Variants in CALN1 observed in about 807,000 individuals in gnomAD.
CALN1 encodes the protein calcium-binding protein 8.
A neutral mutation model predicts 30.6 loss-of-function variants in CALN1; 17 were observed. That is an observed-to-expected ratio of 0.56 (90% CI 0.38 to 0.83). CALN1 has a LOEUF of 0.83. Among genes scored for constraint, CALN1 ranks in the 40% least tolerant of loss-of-function variants. CALN1 has a pLI of 0.00. For missense variants in CALN1, 291 were observed against 354.9 expected, an observed-to-expected ratio of 0.82 and a Z score of 1.45; for synonymous variants, 156 against 131.4, an observed-to-expected ratio of 1.19 and a Z score of -1.28.
intron 2 of CALN1, chr7:72,337,264 G>A (rs1208286148): frequency 9.1e-6 from 9 of 985,048 alleles, no homozygotes; most frequent in Admixed American, 1.2e-4. Context: ...CCGCGTTCAG[G>A]AGCCGGGCTT....
At chr7:72,365,828 A>G (rs530119947) in intron 2 of CALN1, among the ~76,000 whole-genome samples, 1 of 152,326 alleles carries the variant, frequency 6.6e-6, no homozygotes, top group Admixed American at 6.5e-5. Context: ...AAGTATAGGG[A>G]AAATTCAGTG....
At chr7:72,407,507 C>T (rs532043465) in intron 1 of CALN1, among the ~76,000 whole-genome samples, 7 of 152,262 alleles carry the variant, frequency 4.6e-5, no homozygotes, top group African/African-American at 1.7e-4. Context: ...CAAGTGTGTG[C>T]AAACAACTTT....
chr7:72,228,469 T>C (rs1793845265), intron 3 of CALN1, among the ~76,000 whole-genome samples: 3 of 151,868 alleles, frequency 2.0e-5, no homozygotes, highest in Admixed American at 2.0e-4. Context: ...TGAAAAATCA[T>C]TGAACTGTAC....
chr7:71,921,937 A>G (rs1012511463), intron 5 of CALN1, among the ~76,000 whole-genome samples: 1 of 151,896 alleles, frequency 6.6e-6, no homozygotes, highest in African/African-American at 2.4e-5. Flanking sequence ...GCAGGTAACA[A>G]CCTTTGGTTC....
At chr7:72,190,450 A>G (rs2129546759) in intron 3 of CALN1, among the ~76,000 whole-genome samples, 1 of 152,362 alleles carries the variant, frequency 6.6e-6, no homozygotes, top group Middle Eastern at 3.4e-3. Flanking sequence ...GGGAAGTGAC[A>G]GCAGCATTTC....
In CALN1 at chr7:72,445,600, A is replaced by C. The variant is rs147587393; in HGVS notation, c.-226+1442T>G. Among the ~76,000 whole-genome samples the C allele has an allele frequency of 6.9e-3, 1,055 of 152,256 alleles. 10 individuals are homozygous for C. The highest frequency in any genetic ancestry group is 0.023 in the African/African-American group (948 of 41,538). ...CACAGATCCACCGATGGGCATGGGG[A>C]TAATAATTCATTCCATCAAGCGCTT... On this transcript the variant is annotated intron_variant, in intron 1 of 6. Transcript: ENST00000395276.
intron 5 of CALN1, among the ~76,000 whole-genome samples, chr7:71,989,440 T>TAAAA (rs5884868): frequency 7.4e-6 from 1 of 134,990 alleles, no homozygotes; most frequent in Non-Finnish European, 1.6e-5. Context: ...TTCCATCTAT[T>TAAAA]AAAAAAAAAA....
At chr7:72,205,205 CTTT>C (rs765405834) in intron 3 of CALN1, among the ~76,000 whole-genome samples, 40 of 150,636 alleles carry the variant, frequency 2.7e-4, no homozygotes, top group South Asian at 4.2e-4. Flanking sequence ...TTTTGCTTTT[CTTT>C]TGTTTTGTTT....
intron 3 of CALN1, among the ~76,000 whole-genome samples, chr7:72,169,684 T>TC (rs1788800786): frequency 6.6e-6 from 1 of 152,032 alleles, no homozygotes; most frequent in South Asian, 2.1e-4. Context: ...ATTTTCTTTT[T>TC]CTTTTTTCCT....
chr7:72,078,524 C>T (rs1266998261), intron 4 of CALN1, among the ~76,000 whole-genome samples: 2 of 152,150 alleles, frequency 1.3e-5, no homozygotes, highest in Non-Finnish European at 2.9e-5. Context: ...AAACTGGCAA[C>T]AGTAACTGAT....
At chr7:72,171,737 T>C (rs1007267747) in intron 3 of CALN1, among the ~76,000 whole-genome samples, 2 of 152,190 alleles carry the variant, frequency 1.3e-5, no homozygotes, top group African/African-American at 4.8e-5. Flanking sequence ...AATAATACTG[T>C]GGGATCCTCA....
chr7:72,403,316 C>T lies in CALN1; in HGVS notation c.54G>A (p.Gly18=). The T allele has an allele frequency of 1.3e-6, 2 of 1,550,200 alleles. No individual in the cohort carries two copies. Among genetic ancestry groups the T allele is most frequent in the Non-Finnish European group, 1.7e-6 (2 of 1,146,996 alleles). The change falls in exon 2 of 7, where the codon GGG becomes GGA. Residue 18 remains glycine (G), a synonymous_variant. Transcript: ENST00000395275. Reference sequence around the variant, plus strand: ...CTCCCCCTCCGAGGGCTCCTCCGTCCCCCTTTTTCTCATTCTCGGGCTTCC... The same window carrying T: ...CTCCCCCTCCGAGGGCTCCTCCGTCTCCCTTTTTCTCATTCTCGGGCTTCC... The part of the protein sequence containing the change: ...GEGKPENEKK[G]DGGALGGGEE...
intron 5 of CALN1, among the ~76,000 whole-genome samples, chr7:71,883,204 G>A (rs1471788078): frequency 1.3e-5 from 2 of 151,996 alleles, no homozygotes; most frequent in Admixed American, 1.3e-4. Context: ...GTTCACTGTT[G>A]TGTCATCAGT....
At chr7:72,183,580 A>G (rs1184988150) in intron 3 of CALN1, among the ~76,000 whole-genome samples, 2 of 152,232 alleles carry the variant, frequency 1.3e-5, no homozygotes, top group African/African-American at 4.8e-5. Flanking sequence ...GTAAACAGGA[A>G]GTCGCTGAAA....
chr7:72,407,412 G>C (rs192229810), intron 1 of CALN1, among the ~76,000 whole-genome samples: 20 of 152,318 alleles, frequency 1.3e-4, no homozygotes, highest in African/African-American at 4.8e-4. Context: ...GTGGGGCCTG[G>C]TAACAGGTGA....
chr7:71,901,426 C>CAAAA (rs35289312), intron 5 of CALN1, among the ~76,000 whole-genome samples: 1 of 132,686 alleles, frequency 7.5e-6, no homozygotes, highest in African/African-American at 2.7e-5. Flanking sequence ...CATATGGAAC[C>CAAAA]AAAAAAAAAA....
intron 1 of CALN1, among the ~76,000 whole-genome samples, chr7:72,430,777 C>T (rs1472297296): frequency 2.6e-5 from 4 of 152,112 alleles, no homozygotes; most frequent in Non-Finnish European, 2.9e-5. Context: ...GTCACCTGTT[C>T]CCTGTTCCTA....
chr7:71,894,938 C>T (rs1314796525), intron 5 of CALN1, among the ~76,000 whole-genome samples: 1 of 152,098 alleles, frequency 6.6e-6, no homozygotes, highest in African/African-American at 2.4e-5. Context: ...GTTTGTGTTG[C>T]ATTCAGCTAC....
intron 3 of CALN1, among the ~76,000 whole-genome samples, chr7:72,124,329 A>G (rs1808594345): frequency 6.6e-6 from 1 of 152,192 alleles, no homozygotes; most frequent in Non-Finnish European, 1.5e-5. Context: ...CACACCATAG[A>G]CCCAAATTCA....
Sources: allele counts gnomAD v4.1 joint callset (sites outside exome capture counted in the v4.1 genomes callset), GRCh38; gene constraint gnomAD v4.1.1; transcripts MANE v1.5; gene names NCBI Gene and HGNC (gene_info 2026-07-23, HGNC 2026-07-21).